Variants in EIF4E1B observed in about 807,000 individuals in gnomAD.
The protein encoded by EIF4E1B is eukaryotic translation initiation factor 4E family member 1B.
Under a neutral mutation model 31.3 loss-of-function variants are expected in EIF4E1B, and 22 were observed. The observed-to-expected ratio is 0.70, with a 90% CI of 0.50 to 1.00. EIF4E1B has a LOEUF of 1.00. Ranked by LOEUF, EIF4E1B falls within the 50% of genes least tolerant of loss-of-function variation. The probability of loss-of-function intolerance (pLI) is 0.00; values close to 1 mark genes in which losing one functional copy is unlikely to be tolerated. For missense variants in EIF4E1B, 290 were observed against 311.6 expected (o/e 0.93, Z 0.52); for synonymous variants, 126 against 120.2 (o/e 1.05, Z -0.31).
intron 1 of EIF4E1B, among the ~76,000 whole-genome samples, chr5:176,633,237 GTTTGTTTT>G: frequency 6.6e-6 from 1 of 151,224 alleles, no homozygotes; most frequent in Non-Finnish European, 1.5e-5. Context: ...TTGTTTGTTT[GTTTGTTTT>G]AAGAGATAAG....
Position 176,646,620 on chromosome 5 carries a change from T to G in EIF4E1B, c.*640T>G, listed in dbSNP as rs1760718597. 6.6e-6 allele frequency: 1 copy of G among 152,330 alleles called. No individual in the cohort carries two copies. The highest frequency in any genetic ancestry group is 1.5e-5 in the Non-Finnish European group (1 of 68,106). The allele number at this position is 152,330 out of a possible 1,614,324, so 9.4% of individuals were successfully genotyped here. On this transcript the variant is annotated 3_prime_UTR_variant, in exon 9 of 9. Coordinates refer to ENST00000318682, the MANE Select transcript of EIF4E1B (RefSeq NM_001099408.2). ...AAGCTTAAGCATCTTTCTGTTCCTG[T>G]TTTAAATAAATACTTCTGAACAAAG...
intron 1 of EIF4E1B, among the ~76,000 whole-genome samples, chr5:176,633,252 T>G (rs1452558290): frequency 6.6e-6 from 1 of 151,936 alleles, no homozygotes; most frequent in Non-Finnish European, 1.5e-5. Context: ...TTTTAAGAGA[T>G]AAGGTTTCAC....
At position 176,635,299 on chromosome 5, in the gene EIF4E1B, G is replaced by A. The variant is rs78576354; in HGVS notation, c.-202+4235G>A. ...AGGGAGGCCGAAGGAGACCAGCAGT[G>A]GAGAGTCTGCGATGGATGGGCAGCA... On this transcript the variant is annotated intron_variant, in intron 1 of 8. Transcript: ENST00000318682. 6.1e-3 allele frequency among the ~76,000 whole-genome samples: 930 copies of A among 152,200 alleles called. 10 individuals carry two copies. The highest frequency in any genetic ancestry group is 0.022 in the African/African-American group (894 of 41,508).
chr5:176,632,241 G>T (rs1217833461), intron 1 of EIF4E1B, among the ~76,000 whole-genome samples: 1 of 152,068 alleles, frequency 6.6e-6, no homozygotes, highest in African/African-American at 2.4e-5. Flanking sequence ...TTTATGGCTA[G>T]ATATACAATT....
At chr5:176,640,162 G>C (rs1760551123) in intron 1 of EIF4E1B, among the ~76,000 whole-genome samples, 1 of 152,194 alleles carries the variant, frequency 6.6e-6, no homozygotes, top group African/African-American at 2.4e-5. Context: ...TGCTTGCTCT[G>C]GGAACCCAGC....
rs376176529 is a variant in EIF4E1B at position 176,641,119 on chromosome 5, G to C, written c.-201-924G>C. ...AGATTGCTTGAGTCTAGACATTCAA[G>C]ACCAGCCTGGGCAACATGGCAAAAC... On this transcript the variant is annotated intron_variant, in intron 1 of 8. Coordinates refer to ENST00000318682, the MANE Select transcript of EIF4E1B (RefSeq NM_001099408.2). Among the ~76,000 whole-genome samples the C allele has an allele frequency of 1.1e-4, 17 of 152,182 alleles. No homozygotes were observed. In the East Asian group the frequency reaches 2.1e-3, roughly 19 times the overall value.
At chr5:176,634,951 A>G (rs779898733) in intron 1 of EIF4E1B, among the ~76,000 whole-genome samples, 1 of 152,070 alleles carries the variant, frequency 6.6e-6, no homozygotes, top group Non-Finnish European at 1.5e-5. Flanking sequence ...TACAGGCATG[A>G]GCCACCACGC....
At chr5:176,635,890 C>T (rs1760484224) in intron 1 of EIF4E1B, among the ~76,000 whole-genome samples, 1 of 151,900 alleles carries the variant, frequency 6.6e-6, no homozygotes, top group African/African-American at 2.4e-5. Flanking sequence ...AATCTCGGCT[C>T]ACTGCAACCT....
rs1372328314 is a variant in EIF4E1B at position 176,638,522 on chromosome 5, C to T, written c.-201-3521C>T. Among the ~76,000 whole-genome samples the T allele has an allele frequency of 6.6e-6, 1 of 152,128 alleles. No individual in the cohort carries two copies. The highest frequency in any genetic ancestry group is 1.5e-5 in the Non-Finnish European group (1 of 68,020). On this transcript the variant is annotated intron_variant, in intron 1 of 8. Transcript: ENST00000318682. This position sits in a 1 kb window ranked among gnomAD's most constrained non-coding sequence, Gnocchi z 4.3. Reference sequence around the variant, plus strand: ...AGAGGGCATGGGGGAGAGTGTTCTTCTGTAGATAGGGTAGCAGTCAGGGAA... The same window carrying T: ...AGAGGGCATGGGGGAGAGTGTTCTTTTGTAGATAGGGTAGCAGTCAGGGAA...
At chr5:176,632,915 A>G (rs1034631333) in intron 1 of EIF4E1B, among the ~76,000 whole-genome samples, 2 of 151,798 alleles carry the variant, frequency 1.3e-5, no homozygotes. Context: ...CAGACTTGGG[A>G]CCTGAAGCTA....
At chr5:176,644,247 G>T (rs1202608446) in intron 5 of EIF4E1B, 129 bp from the exon 6 acceptor site, 4 of 893,954 alleles carry the variant, frequency 4.5e-6, no homozygotes, top group Non-Finnish European at 6.8e-6. Context: ...GGAATCCCAG[G>T]TGGCAGGCCA....
At chr5:176,632,925 A>T (rs1760429834) in intron 1 of EIF4E1B, among the ~76,000 whole-genome samples, 1 of 151,424 alleles carries the variant, frequency 6.6e-6, no homozygotes. Context: ...ACCTGAAGCT[A>T]GTCCCAGGAA....
intron 1 of EIF4E1B, among the ~76,000 whole-genome samples, chr5:176,641,362 A>G (rs1004437015): frequency 3.3e-5 from 5 of 152,078 alleles, no homozygotes; most frequent in Non-Finnish European, 7.4e-5. Flanking sequence ...AAATGGAAAC[A>G]TCCTCAAGCC....
chr5:176,640,816 C>G (rs772410845), intron 1 of EIF4E1B, among the ~76,000 whole-genome samples: 1 of 152,262 alleles, frequency 6.6e-6, no homozygotes, highest in Non-Finnish European at 1.5e-5. Flanking sequence ...TCTTCTCGTC[C>G]TCTGGTATTC....
chr5:176,642,861 C>CGCT lies in EIF4E1B; in HGVS notation c.15+59_15+60insGCT, dbSNP rs1554151075. The CGCT allele has an allele frequency of 9.1e-5, 102 of 1,123,864 alleles. 2 individuals carry two copies. The highest frequency in any genetic ancestry group is 3.2e-4 in the Middle Eastern group (1 of 3,158). The allele number at this position is 1,123,864 out of a possible 1,614,324, so 69.6% of individuals were successfully genotyped here. A position where few individuals can be genotyped will look rare whatever the true frequency, so the allele number is the denominator to read the frequency against. On this transcript the variant is annotated intron_variant, in intron 3 of 8. Transcript: ENST00000318682. ...CATGGCCCCGCCCTCTCCCCCCCCCCCCCCGCCCCAGGTGGGCGGGGCAGG... is the reference window on the plus strand; with the variant it reads ...CATGGCCCCGCCCTCTCCCCCCCCCCGCTCCCCGCCCCAGGTGGGCGGGGCAGG...
chr5:176,642,851 T>TCTCCCCCC, intron 3 of EIF4E1B, 49 bp downstream of exon 3: 1 of 955,028 alleles, frequency 1.0e-6, no homozygotes, highest in African/African-American at 3.8e-5. Context: ...CCCCGCCCTC[T>TCTCCCCCC]CCCCCCCCCC....
chr5:176,642,853 C>T (rs544028654), intron 3 of EIF4E1B, 51 bp downstream of exon 3: 18 of 1,182,538 alleles, frequency 1.5e-5, no homozygotes, highest in Middle Eastern at 3.1e-4. Context: ...CCGCCCTCTC[C>T]CCCCCCCCCC....
chr5:176,642,677 G>A (rs781545350), intron 2 of EIF4E1B, 33 bp from the exon 3 acceptor site: 73 of 1,500,464 alleles, frequency 4.9e-5, no homozygotes, highest in African/African-American at 7.0e-5. Flanking sequence ...CTTTCCCTTC[G>A]AGCAGGCTCC....
rs565788684 is a variant in EIF4E1B at position 176,643,737 on chromosome 5, G to C, written c.296+3G>C. On this transcript the variant is annotated splice_donor_region_variant and intron_variant, in intron 5 of 8. Transcript: ENST00000318682. ...GACACTGTGGAGGACTTCTGGGCGT[G>C]AGTGTCTGTCCCCAGTGGGGCTAGA... The C allele has an allele frequency of 6.2e-7, 1 of 1,611,200 alleles. No individual in the cohort carries two copies. Among genetic ancestry groups the C allele is most frequent in the East Asian group, 2.2e-5 (1 of 44,780 alleles).
Sources: gnomAD v4.1 joint callset for allele counts (sites outside exome capture counted in the v4.1 genomes callset) on GRCh38, gnomAD v4.1.1 for gene constraint, Gnocchi (gnomAD v3.1) non-coding constraint, MANE v1.5 for transcripts, NCBI Gene and HGNC (gene_info 2026-07-23, HGNC 2026-07-21) for gene names.